The following LINGO1 variants were observed in gnomAD, a reference collection of about 807,000 sequenced individuals.
LINGO1 encodes the protein leucine rich repeat and Ig domain containing 1.
In LINGO1, 11 loss-of-function variants were observed where a neutral mutation model predicts 37.3. The ratio of observed to expected loss-of-function variants is 0.29; its 90% CI spans 0.19 to 0.49. The LOEUF is 0.49. LINGO1 is among the 20% of genes least tolerant of loss of function. The probability of loss-of-function intolerance (pLI) is 0.99; values close to 1 mark genes in which losing one functional copy is unlikely to be tolerated. For missense variants in LINGO1, 585 were observed against 878.2 expected (o/e 0.67, Z 4.22); for synonymous variants, 387 against 403.0 (o/e 0.96, Z 0.48).
chr15:77,630,855 T>G (rs1007071160), intron 1 of LINGO1, among the ~76,000 whole-genome samples: 1 of 152,100 alleles, frequency 6.6e-6, no homozygotes, highest in African/African-American at 2.4e-5. Context: ...TTCAGCACGG[T>G]TCCAAGGAGT....
chr15:77,794,588 ATATTTTT>A (rs1567588680), intron 2 of LINGO1, among the ~76,000 whole-genome samples: 2 of 39,444 alleles, frequency 5.1e-5, no homozygotes, highest in South Asian at 7.2e-4. Flanking sequence ...ATATATATAT[ATATTTTT>A]TTTTTTTTTT....
chr15:77,819,043 T>C (rs1028068731), intron 1 of LINGO1, among the ~76,000 whole-genome samples: 1 of 149,858 alleles, frequency 6.7e-6, no homozygotes, highest in African/African-American at 2.5e-5. Flanking sequence ...CAGGTAAGGG[T>C]GAGGCGGGGC....
chr15:77,627,899 G>T (rs1183241680), intron 1 of LINGO1, among the ~76,000 whole-genome samples: 1 of 152,170 alleles, frequency 6.6e-6, no homozygotes, highest in Non-Finnish European at 1.5e-5. Context: ...GGTGCCGATG[G>T]GATGACTGCT....
Position 77,614,034 on chromosome 15 carries a change from C to CG in LINGO1, c.*9dup. 1 of 1,554,500 alleles carries CG rather than the reference C, an allele frequency of 6.4e-7. No homozygotes were observed. Among genetic ancestry groups the CG allele is most frequent in the African/African-American group, 1.4e-5 (1 of 73,468 alleles). ...CGGCCGCCCGGGGGTCCCTGCCCCC[C>CG]GCCCCGGCCTCATATCATCTTCATG... On this transcript the variant is annotated 3_prime_UTR_variant, in exon 2 of 2. Coordinates refer to ENST00000355300, the MANE Select transcript of LINGO1 (RefSeq NM_032808.7).
chr15:77,700,207 C>T (rs781062219), upstream of LINGO1, among the ~76,000 whole-genome samples: 1 of 152,192 alleles, frequency 6.6e-6, no homozygotes, highest in Non-Finnish European at 1.5e-5. Context: ...CCTGAGAGCT[C>T]CTCCCCCCAA....
chr15:77,705,402 G>A (rs547650951), intron 2 of LINGO1, among the ~76,000 whole-genome samples: 14 of 152,316 alleles, frequency 9.2e-5, no homozygotes, highest in African/African-American at 3.4e-4. Context: ...TGTCCAAGGG[G>A]AGACACTGAG....
chr15:77,763,346 G>A (rs1004051114), intron 1 of LINGO1, among the ~76,000 whole-genome samples: 8 of 152,136 alleles, frequency 5.3e-5, no homozygotes, highest in Non-Finnish European at 1.0e-4. Context: ...TAAGTGAGAA[G>A]GGGTTGGGGA....
At chr15:77,661,452 G>A (rs2074991486) in intron 3 of LINGO1, among the ~76,000 whole-genome samples, 1 of 152,220 alleles carries the variant, frequency 6.6e-6, no homozygotes, top group South Asian at 2.1e-4. Flanking sequence ...TTCAGCTGTG[G>A]AAGACCTCCC....
chr15:77,617,935 G>A (rs2142500854), intron 1 of LINGO1, among the ~76,000 whole-genome samples: 1 of 152,284 alleles, frequency 6.6e-6, no homozygotes, highest in South Asian at 2.1e-4. Context: ...CCTCCCTTCA[G>A]CCCCTCTCAT....
At chr15:77,693,420 G>T (rs2075638644) in intron 1 of LINGO1, among the ~76,000 whole-genome samples, 2 of 152,228 alleles carry the variant, frequency 1.3e-5, no homozygotes, top group South Asian at 4.1e-4. Flanking sequence ...GGTTACTCAA[G>T]CTAGAGGAGC....
At chr15:77,721,764 T>C (rs1471855521) in intron 2 of LINGO1, among the ~76,000 whole-genome samples, 2 of 152,126 alleles carry the variant, frequency 1.3e-5, no homozygotes, top group East Asian at 3.9e-4. Flanking sequence ...GGGACCAGGC[T>C]TGGGGCAGCT....
chr15:77,617,659 A>G (rs112423533), intron 1 of LINGO1, among the ~76,000 whole-genome samples: 219 of 152,340 alleles, frequency 1.4e-3, no homozygotes, highest in African/African-American at 4.8e-3. Context: ...TCCATGCATC[A>G]GCCATTAAGG....
chr15:77,651,486 A>C (rs1171427818), intron 3 of LINGO1: 1 of 152,246 alleles, frequency 6.6e-6, no homozygotes, highest in Non-Finnish European at 1.5e-5. Context: ...AAAAAGTGGT[A>C]ACAGTTCCAT....
In LINGO1 at chr15:77,623,959, CTCTG is replaced by C. The variant is rs1418751158; in HGVS notation, c.7-8063_7-8060del. Among the ~76,000 whole-genome samples, 4 of 143,040 alleles carry C rather than the reference CTCTG, an allele frequency of 2.8e-5. No homozygotes were observed. The East Asian group carries it at 8.2e-4, about 29-fold the overall frequency. 93.8% of individuals were successfully genotyped at this position (143,040 alleles called of 152,430 possible). A position where few individuals can be genotyped will look rare whatever the true frequency, so the allele number is the denominator to read the frequency against. ...TGTGTATGTGTGGTGTGTAAGCAGT[CTCTG>C]TGTGTGTGGCCTGTGTGTGTGTGTG... On this transcript the variant is annotated intron_variant, in intron 1 of 1. Coordinates refer to ENST00000355300, the MANE Select transcript of LINGO1 (RefSeq NM_032808.7).
chr15:77,713,769 GCTGA>G (rs1157055599), intron 2 of LINGO1, among the ~76,000 whole-genome samples: 1 of 152,162 alleles, frequency 6.6e-6, no homozygotes, highest in Non-Finnish European at 1.5e-5. Flanking sequence ...CATGCCCGCA[GCTGA>G]CTGAGTTTGC....
chr15:77,690,720 C>G (rs1012185327), exon 2 of LINGO1: 7 of 152,264 alleles, frequency 4.6e-5, no homozygotes, highest in African/African-American at 1.7e-4. Context: ...TGCCACCTAC[C>G]CTGACTGCTG....
At chr15:77,765,547 T>C (rs554726311) in intron 1 of LINGO1, among the ~76,000 whole-genome samples, 1 of 152,212 alleles carries the variant, frequency 6.6e-6, no homozygotes, top group East Asian at 1.9e-4. Flanking sequence ...CTTGGAAGTC[T>C]GTATGAGAAG....
intron 1 of LINGO1, among the ~76,000 whole-genome samples, chr15:77,625,481 G>A (rs748407940): frequency 2.0e-5 from 3 of 152,140 alleles, no homozygotes; most frequent in South Asian, 2.1e-4. Flanking sequence ...GAACCCCAAT[G>A]GTTTGGCTCC....
At chr15:77,636,162 T>G (rs1458288732), upstream of LINGO1, among the ~76,000 whole-genome samples, 1 of 152,142 alleles carries the variant, frequency 6.6e-6, no homozygotes, top group African/African-American at 2.4e-5. Context: ...TGAAGCTCTG[T>G]GTGTATCTAA....
Sources: allele counts gnomAD v4.1 joint callset (sites outside exome capture counted in the v4.1 genomes callset), GRCh38; gene constraint gnomAD v4.1.1; transcripts MANE v1.5; gene names NCBI Gene and HGNC (gene_info 2026-07-23, HGNC 2026-07-21).